IFFO2: variants seen among roughly 807,000 people sequenced by gnomAD.
The protein encoded by IFFO2 is intermediate filament family orphan 2.
IFFO2 carries 19 observed loss-of-function variants against 53.5 expected under a neutral mutation model. The observed-to-expected ratio is 0.36, with a 90% CI of 0.25 to 0.52. IFFO2 has a LOEUF of 0.52. IFFO2 is among the 20% of genes least tolerant of loss of function. IFFO2 has a pLI of 0.94. For missense variants in IFFO2, 570 were observed against 727.4 expected, an observed-to-expected ratio of 0.78 and a Z score of 2.49; for synonymous variants, 303 against 313.6, an observed-to-expected ratio of 0.97 and a Z score of 0.36.
At position 18,918,798 on chromosome 1, in the gene IFFO2, C is replaced by G. The variant is rs1197316400; in HGVS notation, c.823-296G>C. ...AGGGTCCGTGTTCACTTTGTTAGAG[C>G]GAAGAAAAAAGACAACTCCCGCTGG... On this transcript the variant is annotated intron_variant, in intron 3 of 8. Transcript: ENST00000455833. This position sits in a 1 kb window ranked among gnomAD's most constrained non-coding sequence, Gnocchi z 5.2. Among the ~76,000 whole-genome samples, 1 of 152,006 alleles carries G rather than the reference C, an allele frequency of 6.6e-6. No individual in the cohort carries two copies. Among genetic ancestry groups the G allele is most frequent in the Non-Finnish European group, 1.5e-5 (1 of 67,972 alleles).
intron 1 of IFFO2, among the ~76,000 whole-genome samples, chr1:18,937,125 A>G: frequency 6.6e-6 from 1 of 152,182 alleles, no homozygotes; most frequent in East Asian, 1.9e-4. Context: ...GCTGCCTGCC[A>G]TGCCGCTGGT....
At chr1:18,926,735 C>G (rs1483494029) in intron 1 of IFFO2, among the ~76,000 whole-genome samples, 1 of 151,994 alleles carries the variant, frequency 6.6e-6, no homozygotes, top group Non-Finnish European at 1.5e-5. Flanking sequence ...CCCCCTCTCC[C>G]GTCAGCTCAA....
At chr1:18,930,332 G>A (rs1936359085) in intron 1 of IFFO2, among the ~76,000 whole-genome samples, 1 of 152,148 alleles carries the variant, frequency 6.6e-6, no homozygotes, top group Non-Finnish European at 1.5e-5. Flanking sequence ...AAGTGAGGGG[G>A]TCAGACTTGA....
chr1:18,924,103 G>A lies in IFFO2; in HGVS notation c.666-2982C>T, dbSNP rs150902282. 6.5e-3 allele frequency among the ~76,000 whole-genome samples: 994 copies of A among 152,330 alleles called. 11 individuals are homozygous for A. Among genetic ancestry groups the A allele is most frequent in the African/African-American group, 0.023 (941 of 41,564 alleles). The stretch of plus-strand genomic sequence containing the variant: ...AGCTGGCTTGACTGAAGAGCCTGTC[G>A]CCCGCCCTGACATCCCTCCCGGCGG... On this transcript the variant is annotated intron_variant, in intron 1 of 8. Transcript: ENST00000455833.
intron 1 of IFFO2, among the ~76,000 whole-genome samples, chr1:18,939,374 C>T (rs1475720186): frequency 6.6e-6 from 1 of 152,230 alleles, no homozygotes; most frequent in Non-Finnish European, 1.5e-5. Flanking sequence ...ATAGAAACAG[C>T]ATTGCCACAT....
intron 8 of IFFO2, among the ~76,000 whole-genome samples, chr1:18,909,070 G>T (rs539916050): frequency 6.6e-6 from 1 of 152,032 alleles, no homozygotes; most frequent in African/African-American, 2.4e-5. Context: ...CGGATGAGCT[G>T]GGGGTGGGGG....
In IFFO2 at chr1:18,904,323, C is replaced by T. The variant is rs1557634257; in HGVS notation, c.*4238G>A. The T allele has an allele frequency of 6.6e-6, 1 of 152,094 alleles. No individual in the cohort carries two copies. The highest frequency in any genetic ancestry group is 1.9e-4 in the East Asian group (1 of 5,198). 9.4% of individuals were successfully genotyped at this position (152,094 alleles called of 1,614,324 possible). A position where few individuals can be genotyped will look rare whatever the true frequency, so the allele number is the denominator to read the frequency against. On this transcript the variant is annotated 3_prime_UTR_variant, in exon 9 of 9. Coordinates refer to ENST00000455833, the MANE Select transcript of IFFO2 (RefSeq NM_001136265.2). ...ACTTTATTTAAAAGAAGCCAATATACAGGATATAAAGGGCATGATATTTAC... is the reference window on the plus strand; with the variant it reads ...ACTTTATTTAAAAGAAGCCAATATATAGGATATAAAGGGCATGATATTTAC...
intron 1 of IFFO2, among the ~76,000 whole-genome samples, chr1:18,934,228 C>T (rs1231240725): frequency 2.0e-5 from 3 of 150,630 alleles, no homozygotes; most frequent in Non-Finnish European, 3.0e-5. Context: ...CCACCATGCC[C>T]AGTTAATTTT....
chr1:18,910,321 C>T (rs1936016070), intron 8 of IFFO2, 21 bp downstream of exon 8: 1 of 1,588,786 alleles, frequency 6.3e-7, no homozygotes, highest in African/African-American at 1.3e-5. Flanking sequence ...AGCTGAATCC[C>T]CTGGGAGGAT....
At chr1:18,924,839 G>A (rs1414587397) in intron 1 of IFFO2, among the ~76,000 whole-genome samples, 1 of 152,216 alleles carries the variant, frequency 6.6e-6, no homozygotes, top group Non-Finnish European at 1.5e-5. Context: ...CCTGCCACTG[G>A]CAGAAAATGA....
chr1:18,908,336 G>A lies in IFFO2; in HGVS notation c.*225C>T. 1.8e-6 allele frequency: 1 copy of A among 544,590 alleles called. No homozygotes were observed. The highest frequency in any genetic ancestry group is 2.0e-5 in the South Asian group (1 of 50,040). 33.7% of individuals were successfully genotyped at this position (544,590 alleles called of 1,614,324 possible). On this transcript the variant is annotated 3_prime_UTR_variant, in exon 9 of 9. Transcript: ENST00000455833. ...TGTAATGTGGAGAACAATAGAAATT[G>A]ACAGCACCATTCCTTGGGTGGGTGG...
intron 1 of IFFO2, among the ~76,000 whole-genome samples, chr1:18,940,538 TGGATGGACAGACTGATGGACAAAC>T (rs1936506016): frequency 1.3e-5 from 2 of 151,274 alleles, no homozygotes; most frequent in East Asian, 4.2e-4. Flanking sequence ...AAAGGATGGA[TGGATGGACAGACTGATGGACAAAC>T]GGATGGATGG....
At position 18,955,809 on chromosome 1, in the gene IFFO2, A is replaced by ACGC; in HGVS notation, c.521_523dup (p.Gly174dup). 2 of 1,526,900 alleles carry ACGC rather than the reference A, an allele frequency of 1.3e-6. No homozygotes were observed. The highest frequency in any genetic ancestry group is 2.6e-5 in the East Asian group (1 of 39,070). The allele number at this position is 1,526,900 out of a possible 1,614,324, so 94.6% of individuals were successfully genotyped here. ...CACGCCGGGGCCCTGCACGGTCTCC[A>ACGC]CGCCGCCGCCGCCCGTGCGCCGCAC... On this transcript the variant is annotated inframe_insertion, in exon 1 of 9. Coordinates refer to ENST00000455833, the MANE Select transcript of IFFO2 (RefSeq NM_001136265.2).
intron 1 of IFFO2, among the ~76,000 whole-genome samples, chr1:18,942,643 A>G (rs1053179670): frequency 3.3e-5 from 5 of 152,210 alleles, no homozygotes; most frequent in African/African-American, 1.2e-4. Flanking sequence ...AACATGAAGC[A>G]AGAGCAAATG....
intron 8 of IFFO2, among the ~76,000 whole-genome samples, 195 bp downstream of exon 8, chr1:18,910,147 G>C (rs1236271692): frequency 2.0e-5 from 3 of 152,222 alleles, no homozygotes; most frequent in African/African-American, 7.2e-5. Context: ...CATGAGGTTA[G>C]ATATGTAAGG....
chr1:18,931,993 G>A (rs564841080), intron 1 of IFFO2, among the ~76,000 whole-genome samples: 44 of 152,350 alleles, frequency 2.9e-4, no homozygotes, highest in African/African-American at 1.0e-3. Flanking sequence ...CCAGGGTGCA[G>A]GAAGGCCTCG....
chr1:18,931,048 T>C (rs1283768611), intron 1 of IFFO2, among the ~76,000 whole-genome samples: 1 of 152,190 alleles, frequency 6.6e-6, no homozygotes, highest in Non-Finnish European at 1.5e-5. Context: ...GGCACGCACC[T>C]GTAGTCCTAG....
At chr1:18,939,595 T>A (rs1936495168) in intron 1 of IFFO2, among the ~76,000 whole-genome samples, 1 of 152,206 alleles carries the variant, frequency 6.6e-6, no homozygotes, top group Non-Finnish European at 1.5e-5. Context: ...ACCAGCCAGA[T>A]CTTTTCTGCA....
chr1:18,926,340 G>A (rs1936296691), intron 1 of IFFO2, among the ~76,000 whole-genome samples: 1 of 152,198 alleles, frequency 6.6e-6, no homozygotes, highest in Non-Finnish European at 1.5e-5. Context: ...GCCAGGCCAG[G>A]CCAGGGGGAG....
Sources: allele counts gnomAD v4.1 joint callset (sites outside exome capture counted in the v4.1 genomes callset), GRCh38; gene constraint gnomAD v4.1.1; non-coding constraint Gnocchi (gnomAD v3.1); transcripts MANE v1.5; gene names NCBI Gene and HGNC (gene_info 2026-07-23, HGNC 2026-07-21).